The following IL1R1 variants were observed in gnomAD, a reference collection of about 807,000 sequenced individuals.
IL1R1 encodes the protein interleukin-1 receptor type 1.
Under a neutral mutation model 50.2 loss-of-function variants are expected in IL1R1, and 22 were observed. The observed-to-expected ratio is 0.44, with a 90% CI of 0.31 to 0.63. The LOEUF is 0.63. Ranked by LOEUF, IL1R1 falls within the 20% of genes least tolerant of loss-of-function variation. The pLI, the probability that IL1R1 is intolerant of heterozygous loss-of-function variation, is 0.07. For missense variants in IL1R1, 509 were observed against 676.2 expected, an observed-to-expected ratio of 0.75 and a Z score of 2.74; for synonymous variants, 251 against 236.7, an observed-to-expected ratio of 1.06 and a Z score of -0.55.
At position 102,150,640 on chromosome 2, in the gene IL1R1, A is replaced by G. The variant is rs73943997; in HGVS notation, c.-83-3301A>G. Among the ~76,000 whole-genome samples the G allele has an allele frequency of 7.8e-3, 1,184 of 152,294 alleles. 16 individuals carry two copies. Among genetic ancestry groups the G allele is most frequent in the African/African-American group, 0.027 (1,128 of 41,574 alleles). On this transcript the variant is annotated intron_variant, in intron 1 of 11. Transcript: ENST00000410023. ...ATTTGGGAAGATCTTCACAATTGCA[A>G]GCTTTTGGATGTGATTGTCACATAA...
chr2:102,111,761 G>A (rs1680778336), intron 1 of IL1R1, among the ~76,000 whole-genome samples: 1 of 152,136 alleles, frequency 6.6e-6, no homozygotes, highest in African/African-American at 2.4e-5. Flanking sequence ...GGGCCTGCTT[G>A]GTGCCAGGGA....
chr2:102,161,637 T>G (rs1684735836), intron 3 of IL1R1, among the ~76,000 whole-genome samples: 1 of 152,180 alleles, frequency 6.6e-6, no homozygotes, highest in African/African-American at 2.4e-5. Flanking sequence ...TACATAAACA[T>G]TTGGTATTAT....
chr2:102,160,262 C>T (rs1157673078), intron 3 of IL1R1, among the ~76,000 whole-genome samples: 1 of 151,896 alleles, frequency 6.6e-6, no homozygotes, highest in East Asian at 1.9e-4. Context: ...GAGATGTCAT[C>T]TCTTTTTTTT....
intron 3 of IL1R1, among the ~76,000 whole-genome samples, chr2:102,158,211 T>C (rs1684377017): frequency 6.6e-6 from 1 of 152,234 alleles, no homozygotes; most frequent in South Asian, 2.1e-4. Context: ...TTTCTTTCCA[T>C]TTCTTCATTT....
At chr2:102,123,682 G>A (rs1236232498) in intron 1 of IL1R1, among the ~76,000 whole-genome samples, 1 of 152,088 alleles carries the variant, frequency 6.6e-6, no homozygotes, top group East Asian at 1.9e-4. Flanking sequence ...GGAGGCTGAG[G>A]CAGGAGAATC....
chr2:102,156,697 G>C (rs770403380), intron 2 of IL1R1, among the ~76,000 whole-genome samples: 11 of 152,196 alleles, frequency 7.2e-5, no homozygotes, highest in Non-Finnish European at 1.3e-4. Flanking sequence ...CTTTTTGGTA[G>C]AGATGGAGTT....
intron 1 of IL1R1, among the ~76,000 whole-genome samples, chr2:102,147,514 G>A (rs1370485166): frequency 6.6e-6 from 1 of 152,166 alleles, no homozygotes; most frequent in Non-Finnish European, 1.5e-5. Context: ...AGGGGAGGCT[G>A]GGAAGCACAA....
chr2:102,099,027 T>G (rs1331431522), intron 1 of IL1R1, among the ~76,000 whole-genome samples: 1 of 152,194 alleles, frequency 6.6e-6, no homozygotes, highest in Non-Finnish European at 1.5e-5. Context: ...TCATCTTACC[T>G]TATTAAACAC....
intron 1 of IL1R1, among the ~76,000 whole-genome samples, chr2:102,108,558 G>A (rs1427205601): frequency 2.0e-5 from 3 of 152,102 alleles, no homozygotes; most frequent in African/African-American, 7.2e-5. Context: ...TTTCTCAAAT[G>A]AGTCAATGTA....
At chr2:102,110,929 G>C (rs190170862) in intron 1 of IL1R1, among the ~76,000 whole-genome samples, 7 of 152,274 alleles carry the variant, frequency 4.6e-5, no homozygotes, top group Admixed American at 3.3e-4. Context: ...GTCCGTGTTA[G>C]CCTGGTGATT....
chr2:102,119,338 A>T (rs1004948084), intron 1 of IL1R1, among the ~76,000 whole-genome samples: 3 of 152,216 alleles, frequency 2.0e-5, no homozygotes, highest in Non-Finnish European at 4.4e-5. Flanking sequence ...TTGCTATGGA[A>T]ACCAAATTGT....
intron 1 of IL1R1, among the ~76,000 whole-genome samples, chr2:102,096,954 A>G (rs1449014427): frequency 6.6e-6 from 1 of 151,290 alleles, no homozygotes; most frequent in East Asian, 1.9e-4. Flanking sequence ...CTGTTGTCCC[A>G]GAAGCTGTTA....
At chr2:102,117,190 C>A (rs1029970423) in intron 1 of IL1R1, among the ~76,000 whole-genome samples, 4 of 152,174 alleles carry the variant, frequency 2.6e-5, no homozygotes, top group African/African-American at 9.7e-5. Context: ...AATCATGGTG[C>A]CTCCTCTGTC....
chr2:102,098,699 A>G (rs911753213), intron 1 of IL1R1, among the ~76,000 whole-genome samples: 3 of 152,222 alleles, frequency 2.0e-5, no homozygotes, highest in Non-Finnish European at 4.4e-5. Flanking sequence ...ATAGGAAAAA[A>G]AAGAGTAGGT....
intron 1 of IL1R1, among the ~76,000 whole-genome samples, chr2:102,120,412 C>T (rs925204462): frequency 2.6e-5 from 4 of 152,050 alleles, no homozygotes; most frequent in Non-Finnish European, 4.4e-5. Flanking sequence ...ATTGTGTGCA[C>T]GTGCCAAGTA....
chr2:102,098,494 C>T (rs1347985673), intron 1 of IL1R1, among the ~76,000 whole-genome samples: 2 of 152,026 alleles, frequency 1.3e-5, no homozygotes, highest in East Asian at 3.8e-4. Flanking sequence ...ACATGGTAAA[C>T]CAACAAAAAA....
chr2:102,115,937 G>T (rs1681046492), intron 1 of IL1R1, among the ~76,000 whole-genome samples: 1 of 152,198 alleles, frequency 6.6e-6, no homozygotes, highest in African/African-American at 2.4e-5. Context: ...TTGTTTGGGA[G>T]GCAGTGGAGC....
In IL1R1 at chr2:102,092,259, G is replaced by C. The variant is rs79825984; in HGVS notation, c.-84+21726G>C. 2.1e-3 allele frequency among the ~76,000 whole-genome samples: 314 copies of C among 152,188 alleles called. 1 individual carries two copies. The highest frequency in any genetic ancestry group is 7.0e-3 in the African/African-American group (289 of 41,518). Reference sequence around the variant, plus strand: ...CTTGCAGCCAAAATTGGTAATGTTGGCAGAGGGGCGGGAGGCTGGCAATCA... The same window carrying C: ...CTTGCAGCCAAAATTGGTAATGTTGCCAGAGGGGCGGGAGGCTGGCAATCA... On this transcript the variant is annotated intron_variant, in intron 1 of 11. Transcript: ENST00000409929.
At chr2:102,139,737 C>T (rs1287180424), upstream of IL1R1, among the ~76,000 whole-genome samples, 13 of 152,228 alleles carry the variant, frequency 8.5e-5, no homozygotes, top group Admixed American at 7.9e-4. Flanking sequence ...GGCCACGTGA[C>T]GTACCTGCAC....
Sources: gnomAD v4.1 joint callset for allele counts (sites outside exome capture counted in the v4.1 genomes callset) on GRCh38, gnomAD v4.1.1 for gene constraint, MANE v1.5 for transcripts, NCBI Gene and HGNC (gene_info 2026-07-23, HGNC 2026-07-21) for gene names.